Variants in PRR16 observed in about 807,000 individuals in gnomAD.
PRR16 encodes protein Largen.
PRR16 carries 6 observed loss-of-function variants against 18.2 expected under a neutral mutation model. The observed-to-expected ratio is 0.33, with a 90% CI of 0.18 to 0.65. The LOEUF (loss-of-function observed/expected upper bound fraction) is 0.65. Ranked by LOEUF, PRR16 falls within the 30% of genes least tolerant of loss-of-function variation. The pLI, the probability that PRR16 is intolerant of heterozygous loss-of-function variation, is 0.74. For synonymous variants in PRR16, 151 were observed against 147.8 expected, an observed-to-expected ratio of 1.02 and a Z score of -0.16; for missense variants, 412 against 376.6, an observed-to-expected ratio of 1.09 and a Z score of -0.78.
chr5:120,785,590 T>TTTTTTTTTTTTTTTTTA, the PRR16 span, among the ~76,000 whole-genome samples: 1 of 144,476 alleles, frequency 6.9e-6, no homozygotes, highest in East Asian at 2.0e-4. Flanking sequence ...TTTTTTTTTT[T>TTTTTTTTTTTTTTTTTA]GAGACAGAGT....
chr5:120,501,001 G>A (rs561422246), intron 1 of PRR16, among the ~76,000 whole-genome samples: 11 of 151,690 alleles, frequency 7.3e-5, no homozygotes, highest in South Asian at 4.2e-4. Flanking sequence ...AAAAGGAAGC[G>A]ACTATTAAAT....
chr5:120,469,642 C>CA (rs1376611964), intron 1 of PRR16, among the ~76,000 whole-genome samples: 1 of 152,046 alleles, frequency 6.6e-6, no homozygotes, highest in African/African-American at 2.4e-5. Flanking sequence ...AAGTATTTTC[C>CA]AAGTTCTAAA....
chr5:120,471,585 A>T (rs996338239), intron 1 of PRR16, among the ~76,000 whole-genome samples: 22 of 152,232 alleles, frequency 1.4e-4, no homozygotes, highest in African/African-American at 5.3e-4. Context: ...GATTTCTTGT[A>T]TTAACTTTAG....
At chr5:120,677,227 T>A (rs1756827353) in intron 1 of PRR16, among the ~76,000 whole-genome samples, 1 of 152,132 alleles carries the variant, frequency 6.6e-6, no homozygotes, top group Non-Finnish European at 1.5e-5. Context: ...GAAGTGTGTT[T>A]GCGATGACTA....
the PRR16 span, among the ~76,000 whole-genome samples, chr5:120,782,258 G>C: frequency 1.3e-5 from 2 of 152,074 alleles, no homozygotes; most frequent in African/African-American, 4.8e-5. Context: ...GTTGACCAGT[G>C]CATTTGCACA....
intron 1 of PRR16, among the ~76,000 whole-genome samples, chr5:120,524,101 T>C (rs185981956): frequency 2.0e-5 from 3 of 152,252 alleles, no homozygotes; most frequent in African/African-American, 7.2e-5. Context: ...ATGAGGAAAC[T>C]AAGACACAGA....
chr5:120,578,660 G>T (rs901735535), intron 1 of PRR16, among the ~76,000 whole-genome samples: 3 of 152,108 alleles, frequency 2.0e-5, no homozygotes, highest in Non-Finnish European at 4.4e-5. Context: ...ATGGACATTT[G>T]GGTTTGTTCC....
chr5:120,708,450 T>G, the PRR16 span, among the ~76,000 whole-genome samples: 10 of 152,208 alleles, frequency 6.6e-5, no homozygotes, highest in African/African-American at 2.4e-4. Flanking sequence ...TGGTTGAATT[T>G]TAATTGTCAG....
intron 1 of PRR16, among the ~76,000 whole-genome samples, chr5:120,480,411 A>G (rs1051333494): frequency 9.9e-5 from 15 of 152,172 alleles, no homozygotes; most frequent in Non-Finnish European, 1.6e-4. Flanking sequence ...AGCCAATAAT[A>G]TTTATACAAT....
At chr5:120,596,240 G>A (rs561378086) in intron 1 of PRR16, among the ~76,000 whole-genome samples, 2 of 151,334 alleles carry the variant, frequency 1.3e-5, no homozygotes, top group East Asian at 3.9e-4. Flanking sequence ...GAAGCTTATG[G>A]GAAAGTCTTT....
chr5:120,732,940 A>G, the PRR16 span, among the ~76,000 whole-genome samples: 1 of 152,216 alleles, frequency 6.6e-6, no homozygotes, highest in Non-Finnish European at 1.5e-5. Flanking sequence ...CTGTTAGCTC[A>G]ATTATACCAG....
chr5:120,736,362 T>G, the PRR16 span, among the ~76,000 whole-genome samples: 1 of 152,020 alleles, frequency 6.6e-6, no homozygotes, highest in African/African-American at 2.4e-5. Context: ...TCTCCCGGGT[T>G]CAAGTGATTC....
At chr5:120,553,717 T>A (rs1169498233) in intron 1 of PRR16, among the ~76,000 whole-genome samples, 2 of 151,862 alleles carry the variant, frequency 1.3e-5, no homozygotes, top group Admixed American at 1.3e-4. Flanking sequence ...CAATTCTGAT[T>A]GTGTGTTGAA....
chr5:120,587,450 A>G (rs1187803166), intron 1 of PRR16, among the ~76,000 whole-genome samples: 1 of 152,158 alleles, frequency 6.6e-6, no homozygotes, highest in Non-Finnish European at 1.5e-5. Flanking sequence ...CACTGTTTTT[A>G]GGGGCTAATG....
intron 1 of PRR16, among the ~76,000 whole-genome samples, chr5:120,517,780 G>A (rs964451692): frequency 2.0e-5 from 3 of 152,060 alleles, no homozygotes; most frequent in Admixed American, 1.3e-4. Context: ...TAAAGGGAGG[G>A]GCCAGTGTGA....
chr5:120,530,657 C>T (rs1297710224), intron 1 of PRR16, among the ~76,000 whole-genome samples: 1 of 152,060 alleles, frequency 6.6e-6, no homozygotes, highest in Non-Finnish European at 1.5e-5. Flanking sequence ...ATTGTTAAAA[C>T]AGTGTAACTG....
chr5:120,692,797 G>T, the PRR16 span, among the ~76,000 whole-genome samples: 36 of 152,092 alleles, frequency 2.4e-4, no homozygotes, highest in Non-Finnish European at 4.4e-4. Flanking sequence ...CCTGCTAAAA[G>T]CTTAGTGGGG....
At chr5:120,603,111 T>C (rs1021381979) in intron 1 of PRR16, among the ~76,000 whole-genome samples, 1 of 151,960 alleles carries the variant, frequency 6.6e-6, no homozygotes, top group East Asian at 1.9e-4. Context: ...TTCTCTTTGA[T>C]TTTTTGGAAT....
chr5:120,476,517 A>C (rs373311213), intron 1 of PRR16, among the ~76,000 whole-genome samples: 2 of 152,166 alleles, frequency 1.3e-5, no homozygotes, highest in Non-Finnish European at 2.9e-5. Context: ...AAACATTTTG[A>C]AAGTCTCACT....
Sources: allele counts gnomAD v4.1 joint callset (sites outside exome capture counted in the v4.1 genomes callset), GRCh38; gene constraint gnomAD v4.1.1; transcripts MANE v1.5; gene names NCBI Gene and HGNC (gene_info 2026-07-23, HGNC 2026-07-21).